Variants in HERC1 observed in about 807,000 individuals in gnomAD.
The protein encoded by HERC1 is HECT and RLD domain containing E3 ubiquitin protein ligase family member 1, also known as probable E3 ubiquitin-protein ligase HERC1.
Under a neutral mutation model 554.3 loss-of-function variants are expected in HERC1, and 160 were observed. That is an observed-to-expected ratio of 0.29 (90% CI 0.25 to 0.33). The LOEUF (loss-of-function observed/expected upper bound fraction) is 0.33. Among genes scored for constraint, HERC1 ranks in the 10% least tolerant of loss-of-function variants. The probability of loss-of-function intolerance (pLI) is 1.00; values close to 1 mark genes in which losing one functional copy is unlikely to be tolerated. For synonymous variants in HERC1, 2,175 were observed against 2,131.7 expected (o/e 1.02, Z -0.56); for missense variants, 4,919 against 5,918.5 (o/e 0.83, Z 5.54).
intron 43 of HERC1, 68 bp downstream of exon 43, chr15:63,664,401 TA>T: frequency 6.9e-7 from 1 of 1,445,496 alleles, no homozygotes; most frequent in South Asian, 1.3e-5. Context: ...GAATCTTCTT[TA>T]ATGTGCCTTT....
At chr15:63,818,365 C>T (rs2077569058) in intron 1 of HERC1, among the ~76,000 whole-genome samples, 1 of 152,112 alleles carries the variant, frequency 6.6e-6, no homozygotes, top group Non-Finnish European at 1.5e-5. Flanking sequence ...TACAAAAACC[C>T]TTTCCTGCCT....
chr15:63,641,259 C>T (rs1361349370), intron 60 of HERC1, among the ~76,000 whole-genome samples: 3 of 152,156 alleles, frequency 2.0e-5, no homozygotes, highest in Non-Finnish European at 4.4e-5. Flanking sequence ...GTGTTTGTTT[C>T]TTTATTTTAC....
At chr15:63,742,964 C>G (rs2074872306) in intron 12 of HERC1, among the ~76,000 whole-genome samples, 1 of 152,062 alleles carries the variant, frequency 6.6e-6, no homozygotes, top group South Asian at 2.1e-4. Context: ...ATGTTTTGGT[C>G]CACAATTAGG....
At chr15:63,700,698 G>A in intron 25 of HERC1, among the ~76,000 whole-genome samples, 1 of 111,304 alleles carries the variant, frequency 9.0e-6, no homozygotes, top group African/African-American at 3.3e-5. Flanking sequence ...GACAGGGCGA[G>A]ACCCTGCCTC....
intron 26 of HERC1, 81 bp downstream of exon 26, chr15:63,698,647 G>A: frequency 7.3e-7 from 1 of 1,367,096 alleles, no homozygotes; most frequent in Non-Finnish European, 9.9e-7. Flanking sequence ...GAAAAGGAAA[G>A]GTTTTCCCTA....
At chr15:63,673,794 G>A (rs565422980) in intron 38 of HERC1, among the ~76,000 whole-genome samples, 2 of 152,264 alleles carry the variant, frequency 1.3e-5, no homozygotes, top group South Asian at 2.1e-4. Flanking sequence ...GCACAATCTC[G>A]GCTCACTGTA....
rs1567084654 is a variant in HERC1, at chr15:63,749,362, C to CT, written c.2219+4dup. Reference sequence around the variant, plus strand: ...ACAAGAATTTTTAAACATAGGCACTCTTACCTGTCCCTAGGAAGAGCAGTC... The same window carrying CT: ...ACAAGAATTTTTAAACATAGGCACTCTTTACCTGTCCCTAGGAAGAGCAGTC... On this transcript the variant is annotated splice_donor_region_variant and intron_variant, in intron 10 of 77. Transcript: ENST00000443617. This position sits in a 1 kb window ranked among gnomAD's most constrained non-coding sequence, Gnocchi z 4.1. 6.3e-6 allele frequency: 10 copies of CT among 1,589,900 alleles called. No individual in the cohort carries two copies. The highest frequency in any genetic ancestry group is 8.5e-6 in the Non-Finnish European group (10 of 1,171,336).
At chr15:63,735,735 T>C (rs770681008) in intron 12 of HERC1, among the ~76,000 whole-genome samples, 1 of 152,134 alleles carries the variant, frequency 6.6e-6, no homozygotes, top group Non-Finnish European at 1.5e-5. Flanking sequence ...ATACTCAATT[T>C]TTCTGTAAGT....
At chr15:63,769,369 G>A (rs555364070) in intron 2 of HERC1, among the ~76,000 whole-genome samples, 8 of 152,004 alleles carry the variant, frequency 5.3e-5, no homozygotes, top group Admixed American at 2.0e-4. Context: ...GCAGTGAGAC[G>A]AGATCTTGCC....
chr15:63,757,510 A>T (rs142156372), intron 4 of HERC1, among the ~76,000 whole-genome samples: 2,056 of 151,890 alleles, frequency 0.014, 23 homozygotes, highest in East Asian at 0.027. Flanking sequence ...CAAACGATCC[A>T]CCCGCCTTGG....
In HERC1 at chr15:63,626,461, C is replaced by A. The variant is rs540855524; in HGVS notation, c.13106-307G>T. ...CAATAGAACTTAGGCAGTTCTTTCA[C>A]AAAAATAAAGCCAAATTTTTCCTTT... On this transcript the variant is annotated intron_variant, in intron 70 of 77. Coordinates refer to ENST00000443617, the MANE Select transcript of HERC1 (RefSeq NM_003922.4). Among the ~76,000 whole-genome samples the A allele has an allele frequency of 5.6e-4, 86 of 152,274 alleles. 2 individuals are homozygous for A. The highest frequency in any genetic ancestry group is 1.9e-3 in the African/African-American group (79 of 41,534).
chr15:63,807,891 T>A (rs913760920), intron 1 of HERC1, among the ~76,000 whole-genome samples: 2 of 141,434 alleles, frequency 1.4e-5, no homozygotes, highest in Admixed American at 7.2e-5. Context: ...CCCCGCCCCC[T>A]GCCCAAATTA....
chr15:63,638,434 G>A lies in HERC1; in HGVS notation c.12070C>T (p.Pro4024Ser), dbSNP rs372268673. Reference sequence around the variant, plus strand: ...ACCTGTTGGGCCTGTGAGAATGAGGGAGCTGCTGCAGGTACCATTACATTT... The same window carrying A: ...ACCTGTTGGGCCTGTGAGAATGAGGAAGCTGCTGCAGGTACCATTACATTT... ...GRNVMVPAAA[P>S]SFSQAQQVIC... Residue 4024 changes from proline to serine, a missense_variant, in exon 63 of 78, where the codon CCC becomes TCC. Pro to Ser is a moderately conservative substitution (Grantham distance 74). This residue lies in a region of HERC1 where 122 missense variants were observed against 195.2 expected (regional missense o/e 0.63). Transcript: ENST00000443617. 3.1e-6 allele frequency: 5 copies of A among 1,610,836 alleles called. No individual in the cohort carries two copies. Among genetic ancestry groups the A allele is most frequent in the Non-Finnish European group, 4.2e-6 (5 of 1,177,358 alleles).
intron 2 of HERC1, 58 bp from the exon 3 acceptor site, chr15:63,764,249 ATTAG>A (rs1224727548): frequency 9.4e-6 from 11 of 1,165,804 alleles, no homozygotes; most frequent in Non-Finnish European, 1.4e-5. Context: ...ATGCATTAAA[ATTAG>A]TTAAACAGTC....
chr15:63,621,489 G>A (rs187962658), intron 74 of HERC1, among the ~76,000 whole-genome samples: 3 of 152,068 alleles, frequency 2.0e-5, no homozygotes, highest in East Asian at 1.9e-4. Context: ...TGCTCTTCTC[G>A]AGGAGTATCT....
At chr15:63,769,665 C>T (rs554434147) in intron 2 of HERC1, among the ~76,000 whole-genome samples, 1 of 151,840 alleles carries the variant, frequency 6.6e-6, no homozygotes, top group South Asian at 2.1e-4. Context: ...ACCAGCCTGG[C>T]CAACATGGTG....
chr15:63,628,905 T>A, intron 69 of HERC1, 90 bp from the exon 70 acceptor site: 1 of 1,233,552 alleles, frequency 8.1e-7, no homozygotes, highest in Non-Finnish European at 1.2e-6. Flanking sequence ...GTGGCAGACA[T>A]AAATAAGTTA....
At chr15:63,722,993 T>C (rs1213299367) in intron 19 of HERC1, among the ~76,000 whole-genome samples, 189 bp downstream of exon 19, 1 of 152,024 alleles carries the variant, frequency 6.6e-6, no homozygotes, top group East Asian at 1.9e-4. Flanking sequence ...GTGGAATACA[T>C]GTATATAAAA....
intron 24 of HERC1, 22 bp from the exon 25 acceptor site, chr15:63,706,853 T>G: frequency 1.4e-6 from 2 of 1,463,344 alleles, no homozygotes; most frequent in Non-Finnish European, 1.9e-6. Context: ...AAAAAGTAAA[T>G]AAATAAAATT....
Sources: gnomAD v4.1 joint callset for allele counts (sites outside exome capture counted in the v4.1 genomes callset) on GRCh38, gnomAD v4.1.1 for gene constraint, gnomAD v4.1.1 regional missense constraint, Gnocchi (gnomAD v3.1) non-coding constraint, MANE v1.5 for transcripts, NCBI Gene and HGNC (gene_info 2026-07-23, HGNC 2026-07-21) for gene names.